The following COLGALT2 variants were observed in gnomAD, a reference collection of about 807,000 sequenced individuals.
COLGALT2 encodes the protein procollagen galactosyltransferase 2.
COLGALT2 carries 49 observed loss-of-function variants against 73.4 expected under a neutral mutation model. The ratio of observed to expected loss-of-function variants is 0.67; its 90% CI spans 0.53 to 0.85. COLGALT2 has a LOEUF of 0.85. Ranked by LOEUF, COLGALT2 falls within the 40% of genes least tolerant of loss-of-function variation. The pLI is 0.00. For synonymous variants in COLGALT2, 295 were observed against 307.6 expected (o/e 0.96, Z 0.43); for missense variants, 722 against 790.2 (o/e 0.91, Z 1.03).
At chr1:183,975,049 G>A in intron 3 of COLGALT2, 48 bp downstream of exon 3, 2 of 1,357,044 alleles carry the variant, frequency 1.5e-6, no homozygotes, top group Non-Finnish European at 1.1e-6. Flanking sequence ...GACTGATTTG[G>A]ATACACCTGA....
At chr1:184,026,989 T>G (rs984540046) in intron 1 of COLGALT2, among the ~76,000 whole-genome samples, 2 of 152,188 alleles carry the variant, frequency 1.3e-5, no homozygotes, top group African/African-American at 4.8e-5. Flanking sequence ...TGAGCCCCAG[T>G]GCAAGGAGCT....
At chr1:183,931,860 TAAA>T (rs35058267), downstream of COLGALT2, among the ~76,000 whole-genome samples, 15 of 119,940 alleles carry the variant, frequency 1.3e-4, no homozygotes, top group Non-Finnish European at 1.4e-4. Context: ...GTTCCTGCCA[TAAA>T]AAAAAAAAAA....
intron 1 of COLGALT2, among the ~76,000 whole-genome samples, chr1:184,014,859 G>A (rs1258068751): frequency 2.6e-5 from 4 of 152,160 alleles, no homozygotes; most frequent in African/African-American, 9.7e-5. Context: ...GAATTCAGAA[G>A]CAAGGTGATC....
intron 2 of COLGALT2, among the ~76,000 whole-genome samples, chr1:183,977,505 A>G (rs1267529738): frequency 6.7e-6 from 1 of 150,316 alleles, no homozygotes; most frequent in Non-Finnish European, 1.5e-5. Context: ...TGTTATGGTA[A>G]CCAGGCACAA....
intron 1 of COLGALT2, among the ~76,000 whole-genome samples, chr1:183,992,771 T>C (rs1671664289): frequency 6.6e-6 from 1 of 152,234 alleles, no homozygotes; most frequent in African/African-American, 2.4e-5. Context: ...TACTGGGCTC[T>C]AGACTTCCAA....
In COLGALT2 at chr1:184,037,437, G is replaced by A. The variant is rs1649730023; in HGVS notation, c.-80C>T. On this transcript the variant is annotated 5_prime_UTR_variant, in exon 1 of 12. Coordinates refer to ENST00000361927, the MANE Select transcript of COLGALT2 (RefSeq NM_015101.4). ...TGCCTGAGGGCGGCGGCGGCTGCCG[G>A]GGAGCAAGGGGCTGCGAGGGGCGGC... 8.0e-7 allele frequency: 1 copy of A among 1,249,290 alleles called. No individual in the cohort carries two copies. Among genetic ancestry groups the A allele is most frequent in the South Asian group, 3.3e-5 (1 of 30,506 alleles). 77.4% of individuals were successfully genotyped at this position (1,249,290 alleles called of 1,614,324 possible).
At chr1:183,962,631 C>T (rs1670744518) in intron 6 of COLGALT2, among the ~76,000 whole-genome samples, 1 of 152,158 alleles carries the variant, frequency 6.6e-6, no homozygotes, top group Admixed American at 6.5e-5. Flanking sequence ...ATGTCCTAAG[C>T]TTCTGTTCCT....
At chr1:183,976,452 T>A (rs1348063090) in intron 2 of COLGALT2, among the ~76,000 whole-genome samples, 1 of 151,354 alleles carries the variant, frequency 6.6e-6, no homozygotes, top group Non-Finnish European at 1.5e-5. Flanking sequence ...GGAATGGCAT[T>A]TATTATTACT....
chr1:183,957,929 T>C (rs754134978), intron 6 of COLGALT2, among the ~76,000 whole-genome samples: 7 of 152,286 alleles, frequency 4.6e-5, no homozygotes, highest in Admixed American at 2.0e-4. Flanking sequence ...TTTTACATGA[T>C]GTACTGTTGT....
chr1:184,036,336 A>T (rs1051034269), intron 1 of COLGALT2, among the ~76,000 whole-genome samples: 2 of 152,164 alleles, frequency 1.3e-5, no homozygotes. Flanking sequence ...AGACACAGGG[A>T]CCAGGTCCAA....
chr1:183,978,403 T>TA lies in COLGALT2; in HGVS notation c.374+6dup, dbSNP rs764552363. On this transcript the variant is annotated splice_region_variant and intron_variant, in intron 2 of 11. Transcript: ENST00000361927. Reference sequence around the variant, plus strand: ...ATGAGTTTACAAATTTCGCACTTGCTACTCACTCTGGTTCATCCATAGGCC... The same window carrying TA: ...ATGAGTTTACAAATTTCGCACTTGCTAACTCACTCTGGTTCATCCATAGGCC... The TA allele has an allele frequency of 6.5e-7, 1 of 1,537,584 alleles. No homozygotes were observed. Among genetic ancestry groups the TA allele is most frequent in the Admixed American group, 1.7e-5 (1 of 59,436 alleles).
chr1:184,017,408 C>CG (rs771657638), intron 1 of COLGALT2, among the ~76,000 whole-genome samples: 20 of 152,068 alleles, frequency 1.3e-4, no homozygotes, highest in Non-Finnish European at 2.8e-4. Flanking sequence ...GTTTCTCCTC[C>CG]GGCCCTCAAT....
At chr1:183,968,040 G>A (rs1302054283) in intron 5 of COLGALT2, among the ~76,000 whole-genome samples, 3 of 152,206 alleles carry the variant, frequency 2.0e-5, no homozygotes, top group East Asian at 1.9e-4. Context: ...TTTAAGGAGA[G>A]TCTGATGTGT....
At chr1:184,024,804 CA>C (rs1357936523) in intron 1 of COLGALT2, among the ~76,000 whole-genome samples, 1 of 152,040 alleles carries the variant, frequency 6.6e-6, no homozygotes, top group Non-Finnish European at 1.5e-5. Context: ...CTGGCTTCTA[CA>C]TATCCAACAT....
Position 183,951,019 on chromosome 1 carries a change from G to C in COLGALT2, c.1124C>G (p.Ala375Gly). 1 of 1,612,466 alleles carries C rather than the reference G, an allele frequency of 6.2e-7. No individual in the cohort carries two copies. The highest frequency in any genetic ancestry group is 8.5e-7 in the Non-Finnish European group (1 of 1,178,658). Residue 375 changes from alanine to glycine, a missense_variant, in exon 8 of 12, where the codon GCT (alanine) becomes GGT (glycine). By Grantham distance (60) the Ala-to-Gly change is moderately conservative. Coordinates refer to ENST00000361927, the MANE Select transcript of COLGALT2 (RefSeq NM_015101.4). ...EQEIEVKIVE[A>G]VDGKALNTSQ... is the part of the protein sequence containing the mutation. ...AAACCCAACTCACTTTCCATCCACAGCCTCGACAATCTTGACCTCAATCTC... is the reference window on the plus strand; with the variant it reads ...AAACCCAACTCACTTTCCATCCACACCCTCGACAATCTTGACCTCAATCTC...
At chr1:183,985,978 C>A (rs1572658137) in intron 1 of COLGALT2, among the ~76,000 whole-genome samples, 1 of 152,248 alleles carries the variant, frequency 6.6e-6, no homozygotes, top group East Asian at 1.9e-4. Flanking sequence ...AATAAAATTC[C>A]ACTAATGAAA....
Position 183,997,604 on chromosome 1 carries a change from C to G in COLGALT2, c.264-19084G>C, listed in dbSNP as rs557384638. On this transcript the variant is annotated intron_variant, in intron 1 of 11. Coordinates refer to ENST00000361927, the MANE Select transcript of COLGALT2 (RefSeq NM_015101.4). ...TTGCAAAAACAACCTCATAATGTTT[C>G]AAGAAAGTTTACAAATTTGTGTTGG... Among the ~76,000 whole-genome samples the G allele has an allele frequency of 2.0e-5, 3 of 152,284 alleles. No individual in the cohort carries two copies. The South Asian group carries it at 6.2e-4, about 32-fold the overall frequency.
Position 183,936,960 on chromosome 1 carries a change from G to A in COLGALT2, c.*1801C>T. 8.1e-7 allele frequency: 1 copy of A among 1,231,750 alleles called. No individual in the cohort carries two copies. The highest frequency in any genetic ancestry group is 1.0e-6 in the Non-Finnish European group (1 of 987,972). The allele number at this position is 1,231,750 out of a possible 1,614,324, so 76.3% of individuals were successfully genotyped here. On this transcript the variant is annotated 3_prime_UTR_variant, in exon 12 of 12. Transcript: ENST00000361927. ...CCCGCCCCTCACCTGGGGAGATGAGGCTGCCTTGACTACCTATTTGGTGAT... is the reference window on the plus strand; with the variant it reads ...CCCGCCCCTCACCTGGGGAGATGAGACTGCCTTGACTACCTATTTGGTGAT...
chr1:183,931,146 G>T (rs1312083851), downstream of COLGALT2, among the ~76,000 whole-genome samples: 1 of 152,132 alleles, frequency 6.6e-6, no homozygotes, highest in Non-Finnish European at 1.5e-5. Context: ...TAGGGACAGA[G>T]CTCTGGATCA....
Sources: allele counts gnomAD v4.1 joint callset (sites outside exome capture counted in the v4.1 genomes callset), GRCh38; gene constraint gnomAD v4.1.1; transcripts MANE v1.5; gene names NCBI Gene and HGNC (gene_info 2026-07-23, HGNC 2026-07-21).